The following SLC10A7 variants were observed in gnomAD, a reference collection of about 807,000 sequenced individuals.
SLC10A7 encodes the protein solute carrier family 10 member 7.
In SLC10A7, 29 loss-of-function variants were observed where a neutral mutation model predicts 43.2. The observed-to-expected ratio is 0.67, with a 90% CI of 0.50 to 0.92. SLC10A7 has a LOEUF of 0.92. Ranked by LOEUF, SLC10A7 falls within the 40% of genes least tolerant of loss-of-function variation. SLC10A7 has a pLI of 0.00. For missense variants in SLC10A7, 295 were observed against 403.2 expected (o/e 0.73, Z 2.30); for synonymous variants, 152 against 144.8 (o/e 1.05, Z -0.35).
chr4:146,491,575 GAAGA>G (rs1342900829), intron 4 of SLC10A7, among the ~76,000 whole-genome samples: 1 of 151,720 alleles, frequency 6.6e-6, no homozygotes. Context: ...GGGAAAGAAA[GAAGA>G]AAGAGTGAAT....
rs536225268 is a variant in SLC10A7, at chr4:146,449,689, A to C, written c.397-6868T>G. Among the ~76,000 whole-genome samples the C allele has an allele frequency of 2.8e-3, 429 of 152,156 alleles. 3 individuals are homozygous for C. In the Middle Eastern group the frequency reaches 0.051, roughly 18 times the overall value. ...AAACCACCACCACCACCACCACCAC[A>C]ACAACAACAACAAAAACAGTGAAAC... On this transcript the variant is annotated intron_variant, in intron 4 of 11. Transcript: ENST00000335472.
intron 4 of SLC10A7, among the ~76,000 whole-genome samples, chr4:146,468,995 T>C (rs996335463): frequency 6.6e-6 from 1 of 152,046 alleles, no homozygotes; most frequent in Non-Finnish European, 1.5e-5. Context: ...CAGTTCTAAT[T>C]AGGATTGCAG....
intron 6 of SLC10A7, among the ~76,000 whole-genome samples, chr4:146,318,647 CT>C (rs1319232232): frequency 1.3e-5 from 2 of 152,016 alleles, no homozygotes; most frequent in Non-Finnish European, 2.9e-5. Flanking sequence ...TAGTTAAGAT[CT>C]TTTTCCTGAA....
chr4:146,370,216 AG>A (rs1474168886), intron 5 of SLC10A7, among the ~76,000 whole-genome samples: 1 of 152,206 alleles, frequency 6.6e-6, no homozygotes, highest in Non-Finnish European at 1.5e-5. Flanking sequence ...TGTTGTTCCA[AG>A]AATCAGAGTA....
intron 5 of SLC10A7, among the ~76,000 whole-genome samples, chr4:146,344,904 T>C (rs1257072379): frequency 2.0e-5 from 3 of 152,162 alleles, no homozygotes; most frequent in Non-Finnish European, 2.9e-5. Context: ...ATGTGATCAA[T>C]AGATAAATAT....
chr4:146,258,709 T>C lies in SLC10A7; in HGVS notation c.976A>G (p.Met326Val). 1 of 1,600,352 alleles carries C rather than the reference T, an allele frequency of 6.2e-7. No homozygotes were observed. Among genetic ancestry groups the C allele is most frequent in the Non-Finnish European group, 8.5e-7 (1 of 1,177,122 alleles). Reference sequence around the variant, plus strand: ...GGACTCACCTTCTGCCTTGATACCATCCAAGACTTGATTGTTGGCACCAAC... The same window carrying C: ...GGACTCACCTTCTGCCTTGATACCACCCAAGACTTGATTGTTGGCACCAAC... ...SVLVPTIKSW[M>V]VSRQKGVKLT... Residue 326 changes from methionine (M) to valine (V), a missense_variant, in exon 11 of 12, where the codon ATG (methionine) becomes GTG (valine). Transcript: ENST00000335472.
chr4:146,330,632 G>A (rs1165109647), intron 5 of SLC10A7, among the ~76,000 whole-genome samples: 1 of 152,158 alleles, frequency 6.6e-6, no homozygotes, highest in Non-Finnish European at 1.5e-5. Flanking sequence ...TTTTGGGGAA[G>A]TCATCGCAAT....
rs111778715 is a variant in SLC10A7 at position 146,286,417 on chromosome 4, T to C, written c.774-3152A>G. On this transcript the variant is annotated intron_variant, in intron 9 of 11. Coordinates refer to ENST00000335472, the MANE Select transcript of SLC10A7 (RefSeq NM_001029998.6). ...GTGTTTGGAGTGGTGAGAAGGACTG[T>C]GTTTGGAGTGGTGAGAAGGACTCTG... Among the ~76,000 whole-genome samples the C allele has an allele frequency of 1.0e-4, 10 of 96,864 alleles. No individual in the cohort carries two copies. In the South Asian group the frequency reaches 1.4e-3, roughly 13 times the overall value. The allele number at this position is 96,864 out of a possible 152,430, so 63.5% of individuals were successfully genotyped here. A position where few individuals can be genotyped will look rare whatever the true frequency, so the allele number is the denominator to read the frequency against.
chr4:146,327,866 C>T (rs1733255606), intron 5 of SLC10A7, among the ~76,000 whole-genome samples: 1 of 152,174 alleles, frequency 6.6e-6, no homozygotes, highest in Non-Finnish European at 1.5e-5. Context: ...AATAGGCCCA[C>T]TCTGCCTGCA....
At chr4:146,474,312 T>G (rs772672386) in intron 4 of SLC10A7, among the ~76,000 whole-genome samples, 1 of 152,190 alleles carries the variant, frequency 6.6e-6, no homozygotes, top group Non-Finnish European at 1.5e-5. Flanking sequence ...CATCCCTTCT[T>G]GATCTTTTGG....
chr4:146,442,124 A>G, intron 5 of SLC10A7: 15 of 972,306 alleles, frequency 1.5e-5, no homozygotes, highest in Non-Finnish European at 1.8e-5. Context: ...TCAATCTTTC[A>G]TAACACAAAT....
At chr4:146,356,727 A>G (rs11737819) in intron 5 of SLC10A7, among the ~76,000 whole-genome samples, 4,003 of 152,196 alleles carry the variant, frequency 0.026, 68 homozygotes, top group Non-Finnish European at 0.041. Context: ...ACTAAGCTCT[A>G]CAAGGGATTT....
At chr4:146,495,000 A>C (rs1735763302) in intron 4 of SLC10A7, among the ~76,000 whole-genome samples, 1 of 152,206 alleles carries the variant, frequency 6.6e-6, no homozygotes, top group Non-Finnish European at 1.5e-5. Context: ...AATCCGGAAA[A>C]TAAGACTGAA....
At chr4:146,349,634 A>G (rs567043044) in intron 5 of SLC10A7, among the ~76,000 whole-genome samples, 2 of 152,350 alleles carry the variant, frequency 1.3e-5, no homozygotes, top group Admixed American at 6.5e-5. Context: ...AGTGGATTAG[A>G]TAAAGAAAAT....
intron 5 of SLC10A7, among the ~76,000 whole-genome samples, chr4:146,373,610 G>C (rs898596528): frequency 4.6e-5 from 7 of 152,148 alleles, no homozygotes; most frequent in Admixed American, 1.3e-4. Flanking sequence ...CATGAGACGT[G>C]AAAGAGGGTT....
intron 5 of SLC10A7, among the ~76,000 whole-genome samples, chr4:146,345,751 C>T (rs578235713): frequency 6.6e-6 from 1 of 152,222 alleles, no homozygotes; most frequent in African/African-American, 2.4e-5. Context: ...CTTATTTTTA[C>T]TCTATCTTGT....
chr4:146,404,476 A>ATGTGTGTGTGTGTGTGTG, intron 5 of SLC10A7, among the ~76,000 whole-genome samples: 1 of 141,468 alleles, frequency 7.1e-6, no homozygotes, highest in South Asian at 2.4e-4. Context: ...CTGCTCATTT[A>ATGTGTGTGTGTGTGTGTG]TGTGTGTGTG....
intron 5 of SLC10A7, among the ~76,000 whole-genome samples, chr4:146,405,098 T>C (rs1727572419): frequency 6.6e-6 from 1 of 152,176 alleles, no homozygotes; most frequent in African/African-American, 2.4e-5. Context: ...TAGTTTAGTC[T>C]TTCACTGGTT....
chr4:146,417,504 T>G (rs1728658895), intron 5 of SLC10A7, among the ~76,000 whole-genome samples: 1 of 152,200 alleles, frequency 6.6e-6, no homozygotes, highest in Admixed American at 6.5e-5. Context: ...TGTCTCTCTG[T>G]GTGAAGCTGT....
Sources: allele counts gnomAD v4.1 joint callset (sites outside exome capture counted in the v4.1 genomes callset), GRCh38; gene constraint gnomAD v4.1.1; transcripts MANE v1.5; gene names NCBI Gene and HGNC (gene_info 2026-07-23, HGNC 2026-07-21).